UNC13B: variants seen among roughly 807,000 people sequenced by gnomAD.
UNC13B encodes unc-13 homolog B, also known as protein unc-13 homolog B.
UNC13B carries 144 observed loss-of-function variants against 211.0 expected under a neutral mutation model. The ratio of observed to expected loss-of-function variants is 0.68; its 90% CI spans 0.60 to 0.78. The LOEUF (loss-of-function observed/expected upper bound fraction) is 0.78. Ranked by LOEUF, UNC13B falls within the 30% of genes least tolerant of loss-of-function variation. UNC13B has a pLI of 0.00. For synonymous variants in UNC13B, 709 were observed against 725.8 expected (o/e 0.98, Z 0.37); for missense variants, 1,777 against 2,002.0 (o/e 0.89, Z 2.14).
intron 9 of UNC13B, among the ~76,000 whole-genome samples, chr9:35,308,625 T>C (rs926222795): frequency 3.9e-5 from 6 of 152,202 alleles, no homozygotes; most frequent in African/African-American, 1.2e-4. Flanking sequence ...TGTAATTCAT[T>C]TACTGGAACA....
intron 6 of UNC13B, among the ~76,000 whole-genome samples, chr9:35,247,654 A>G (rs1425069657): frequency 1.3e-5 from 2 of 152,140 alleles, no homozygotes; most frequent in African/African-American, 2.4e-5. Flanking sequence ...GCTGAATTAG[A>G]TTTATTGATT....
chr9:35,384,660 T>C, intron 22 of UNC13B: 1 of 985,462 alleles, frequency 1.0e-6, no homozygotes, highest in Non-Finnish European at 1.2e-6. Context: ...ATTACATTTC[T>C]TTTTTGCATT....
At chr9:35,200,542 G>T (rs1030718558) in intron 1 of UNC13B, among the ~76,000 whole-genome samples, 2 of 152,104 alleles carry the variant, frequency 1.3e-5, no homozygotes, top group Non-Finnish European at 2.9e-5. Flanking sequence ...CCTTGAAGAG[G>T]TCCTTCACAT....
In UNC13B at chr9:35,314,045, CAT is replaced by C; in HGVS notation, c.9414+59_9414+60del. 7.3e-6 allele frequency: 10 copies of C among 1,377,942 alleles called. No homozygotes were observed. The South Asian group carries it at 1.0e-4, about 14-fold the overall frequency. The allele number at this position is 1,377,942 out of a possible 1,614,324, so 85.4% of individuals were successfully genotyped here. A position where few individuals can be genotyped will look rare whatever the true frequency, so the allele number is the denominator to read the frequency against. On this transcript the variant is annotated intron_variant, in intron 11 of 39. Transcript: ENST00000635942. ...CAATTTTTCCTTTGAAATTGGGAGA[CAT>C]ATGGTGCTGGAGAAGCAATCAGTGA...
intron 7 of UNC13B, among the ~76,000 whole-genome samples, chr9:35,284,163 G>C (rs1259332951): frequency 6.6e-6 from 1 of 152,124 alleles, no homozygotes; most frequent in Admixed American, 6.5e-5. Flanking sequence ...CTACTTGGGA[G>C]GCTGAGGCAG....
intron 2 of UNC13B, 84 bp downstream of exon 2, chr9:35,228,128 T>C: frequency 1.6e-6 from 2 of 1,214,158 alleles, no homozygotes; most frequent in Non-Finnish European, 2.3e-6. Flanking sequence ...AATTCATTGA[T>C]CAAATTCAGT....
chr9:35,193,483 C>G (rs1822768962), intron 1 of UNC13B, among the ~76,000 whole-genome samples: 2 of 151,874 alleles, frequency 1.3e-5, no homozygotes, highest in Admixed American at 6.6e-5. Flanking sequence ...CCCGTCTCTA[C>G]TAAAAATACA....
chr9:35,236,325 T>C (rs933673429), intron 3 of UNC13B, 144 bp from the exon 4 acceptor site: 3 of 641,512 alleles, frequency 4.7e-6, no homozygotes, highest in Non-Finnish European at 5.4e-6. Flanking sequence ...AGCCTAAAAA[T>C]GGTCGTGGCA....
chr9:35,271,754 C>G (rs1481832847), intron 7 of UNC13B, among the ~76,000 whole-genome samples: 1 of 152,214 alleles, frequency 6.6e-6, no homozygotes, highest in Non-Finnish European at 1.5e-5. Flanking sequence ...CTTGCCCACC[C>G]ACTGTATTAA....
intron 1 of UNC13B, 79 bp from the exon 2 acceptor site, chr9:35,227,936 A>G (rs1824948844): frequency 1.7e-6 from 2 of 1,207,622 alleles, no homozygotes; most frequent in Non-Finnish European, 2.4e-6. Context: ...TAACATTGGT[A>G]TGTAGTGCCT....
chr9:35,211,666 TC>T (rs1241796742), intron 1 of UNC13B, among the ~76,000 whole-genome samples: 1 of 152,196 alleles, frequency 6.6e-6, no homozygotes, highest in Non-Finnish European at 1.5e-5. Flanking sequence ...CAAATTGCCC[TC>T]CCTAAAGACT....
intron 11 of UNC13B, chr9:35,353,335 G>T: frequency 8.1e-7 from 1 of 1,232,208 alleles, no homozygotes; most frequent in East Asian, 3.2e-5. Flanking sequence ...AGAAGCTGGA[G>T]AACAGTGGGT....
At chr9:35,184,232 G>A (rs530676744) in intron 1 of UNC13B, among the ~76,000 whole-genome samples, 39 of 151,834 alleles carry the variant, frequency 2.6e-4, no homozygotes, top group African/African-American at 8.2e-4. Context: ...CAGACGGGGC[G>A]GCTGGGCAGA....
chr9:35,229,363 T>C (rs538667922), intron 2 of UNC13B, among the ~76,000 whole-genome samples: 1 of 152,348 alleles, frequency 6.6e-6, no homozygotes, highest in South Asian at 2.1e-4. Context: ...TTGTCTCTGC[T>C]GGCTCTTTTT....
Position 35,403,669 on chromosome 9 carries a change from G to A in UNC13B, c.12737+70G>A. 3.1e-5 allele frequency: 23 copies of A among 741,382 alleles called. No homozygotes were observed. In the South Asian group the frequency reaches 3.3e-4, roughly 11 times the overall value. 45.9% of individuals were successfully genotyped at this position (741,382 alleles called of 1,614,324 possible). A position where few individuals can be genotyped will look rare whatever the true frequency, so the allele number is the denominator to read the frequency against. On this transcript the variant is annotated intron_variant, in intron 39 of 39. Transcript: ENST00000635942. ...ACTTGAGGGGTGGGGGGAGAGGAGG[G>A]CCCGGGGGGATGGCAGACTGGGGTG... is the stretch of plus-strand genomic sequence containing the variant.
Position 35,400,430 on chromosome 9 carries a change from G to A in UNC13B, c.12471G>A (p.Ser4157=), listed in dbSNP as rs567946611. 1.2e-5 allele frequency: 20 copies of A among 1,613,044 alleles called. No homozygotes were observed. Among genetic ancestry groups the A allele is most frequent in the Admixed American group, 3.3e-5 (2 of 59,974 alleles). Residue 4157 remains serine, a synonymous_variant, in exon 37 of 40, where the codon TCG becomes TCA. Coordinates refer to ENST00000635942, the MANE Select transcript of UNC13B (RefSeq NM_001371189.2). ...CTCTCATCAAGACCTTTGTGCGCTC[G>A]CAGACCACCCAAGGTAAGGCCCTGA... ...TDTLIKTFVR[S]QTTQGSGVDD...
chr9:35,350,144 T>C (rs1244512559), intron 11 of UNC13B, among the ~76,000 whole-genome samples: 3 of 152,202 alleles, frequency 2.0e-5, no homozygotes, highest in African/African-American at 7.2e-5. Context: ...TACTTTCCAC[T>C]CTACTGCTTC....
chr9:35,360,829 A>G (rs1253611933), intron 11 of UNC13B: 1 of 152,064 alleles, frequency 6.6e-6, no homozygotes, highest in Non-Finnish European at 1.5e-5. Context: ...ATATGCCACC[A>G]CACCCAGCTA....
At chr9:35,281,347 C>T (rs1420190460) in intron 7 of UNC13B, among the ~76,000 whole-genome samples, 25 of 148,128 alleles carry the variant, frequency 1.7e-4, no homozygotes, top group Non-Finnish European at 3.6e-4. Flanking sequence ...ACGCTAGGGG[C>T]AGATGTTGCA....
Sources: gnomAD v4.1 joint callset for allele counts (sites outside exome capture counted in the v4.1 genomes callset) on GRCh38, gnomAD v4.1.1 for gene constraint, MANE v1.5 for transcripts, NCBI Gene and HGNC (gene_info 2026-07-23, HGNC 2026-07-21) for gene names.